TLL2: variants seen among roughly 807,000 people sequenced by gnomAD.
TLL2 encodes tolloid-like protein 2.
A neutral mutation model predicts 123.0 loss-of-function variants in TLL2; 106 were observed. The ratio of observed to expected loss-of-function variants is 0.86; its 90% CI spans 0.74 to 1.01. TLL2 has a LOEUF of 1.01. Among genes scored for constraint, TLL2 ranks in the 50% least tolerant of loss-of-function variants. The probability of loss-of-function intolerance (pLI) is 0.00; values close to 1 mark genes in which losing one functional copy is unlikely to be tolerated. For missense variants in TLL2, 1,332 were observed against 1,336.7 expected, an observed-to-expected ratio of 1.00 and a Z score of 0.06; for synonymous variants, 494 against 516.8, an observed-to-expected ratio of 0.96 and a Z score of 0.60.
chr10:96,397,193 C>G lies in TLL2; in HGVS notation c.1377G>C (p.Ala459=), dbSNP rs750004312. Residue 459 remains alanine (A), a synonymous_variant, in exon 11 of 21, where the codon GCG becomes GCC. Coordinates refer to ENST00000357947, the MANE Select transcript of TLL2 (RefSeq NM_012465.4). ...CTTTCACCTCGCACAAACCTTCGTA[C>G]GCTGCAAAGAAGCCCTTGCCCAAGA... ...SNILGKGFFA[A]YEATCGGDMN... The G allele has an allele frequency of 1.2e-6, 2 of 1,613,250 alleles. No individual in the cohort carries two copies. The highest frequency in any genetic ancestry group is 1.7e-6 in the Non-Finnish European group (2 of 1,179,524).
At chr10:96,403,307 A>G (rs923926147) in intron 10 of TLL2, among the ~76,000 whole-genome samples, 1 of 152,286 alleles carries the variant, frequency 6.6e-6, no homozygotes, top group Middle Eastern at 3.4e-3. Flanking sequence ...TACTGTGTCT[A>G]TGTAGAAAGG....
chr10:96,367,952 TA>T lies in TLL2; in HGVS notation c.*135del. ...AGACTTTCATTCAAATATATACCTC[TA>T]AGGCTGGATTCTGAGTTTTTGTTTG... On this transcript the variant is annotated 3_prime_UTR_variant, in exon 21 of 21. Transcript: ENST00000357947. 1 of 1,104,364 alleles carries T rather than the reference TA, an allele frequency of 9.1e-7. No individual in the cohort carries two copies. Among genetic ancestry groups the T allele is most frequent in the Non-Finnish European group, 1.3e-6 (1 of 792,610 alleles). The allele number at this position is 1,104,364 out of a possible 1,614,324, so 68.4% of individuals were successfully genotyped here. A position where few individuals can be genotyped will look rare whatever the true frequency, so the allele number is the denominator to read the frequency against.
chr10:96,365,842 A>T lies in TLL2; in HGVS notation c.*2246T>A, dbSNP rs1846020237. 6.6e-6 allele frequency: 1 copy of T among 152,012 alleles called. No individual in the cohort carries two copies. Among genetic ancestry groups the T allele is most frequent in the African/African-American group, 2.4e-5 (1 of 41,436 alleles). The allele number at this position is 152,012 out of a possible 1,614,324, so 9.4% of individuals were successfully genotyped here. A position where few individuals can be genotyped will look rare whatever the true frequency, so the allele number is the denominator to read the frequency against. On this transcript the variant is annotated 3_prime_UTR_variant, in exon 21 of 21. Transcript: ENST00000357947. The stretch of plus-strand genomic sequence containing the variant: ...AAGGCCTAAATAAAGGTTTTTCATA[A>T]GAGTCCCATTGTTGCAAATTGGCCA...
At chr10:96,390,409 C>T (rs1846275685) in intron 13 of TLL2, among the ~76,000 whole-genome samples, 1 of 152,220 alleles carries the variant, frequency 6.6e-6, no homozygotes, top group African/African-American at 2.4e-5. Context: ...GCCCTGCCAG[C>T]CCTTGAGTGC....
chr10:96,472,134 C>T (rs1162384569), intron 2 of TLL2, among the ~76,000 whole-genome samples: 2 of 152,162 alleles, frequency 1.3e-5, no homozygotes, highest in African/African-American at 4.8e-5. Flanking sequence ...GATTTCCAAA[C>T]CTGTGGCCCT....
Position 96,513,619 on chromosome 10 carries a change from C to T in TLL2, c.67G>A (p.Ala23Thr). The T allele has an allele frequency of 1.2e-6, 2 of 1,601,128 alleles. No homozygotes were observed. The highest frequency in any genetic ancestry group is 8.5e-7 in the Non-Finnish European group (1 of 1,178,056). The change falls in exon 1 of 21, where the codon GCC becomes ACC. Residue 23 changes from alanine (A) to threonine (T), a missense_variant. Ala to Thr is a moderately conservative substitution (Grantham distance 58). Coordinates refer to ENST00000357947, the MANE Select transcript of TLL2 (RefSeq NM_012465.4). ...TCCGGGCGCTCCCCGAGTCCCCCGGCGCCGCGAGGCAGCGGCAGCAGCAGC... is the reference window on the plus strand; with the variant it reads ...TCCGGGCGCTCCCCGAGTCCCCCGGTGCCGCGAGGCAGCGGCAGCAGCAGC... Reference protein sequence around the residue: ...LLLLLPLPRGAGGLGERPDAT... With the variant: ...LLLLLPLPRGTGGLGERPDAT...
At position 96,373,580 on chromosome 10, in the gene TLL2, G is replaced by A; in HGVS notation, c.2662+16C>T. The A allele has an allele frequency of 6.2e-7, 1 of 1,610,186 alleles. No homozygotes were observed. The highest frequency in any genetic ancestry group is 1.1e-5 in the South Asian group (1 of 90,918). ...AAGTGCTCATCAGGTGGAAGCCAGT[G>A]TCCCACCCCAGGTACCTGTGCTGTG... On this transcript the variant is annotated intron_variant, in intron 19 of 20. Coordinates refer to ENST00000357947, the MANE Select transcript of TLL2 (RefSeq NM_012465.4).
chr10:96,477,003 T>A (rs933300636), intron 2 of TLL2, among the ~76,000 whole-genome samples: 1 of 150,242 alleles, frequency 6.7e-6, no homozygotes, highest in Non-Finnish European at 1.5e-5. Context: ...ATTTTCATCT[T>A]CCACTTTATA....
intron 10 of TLL2, among the ~76,000 whole-genome samples, chr10:96,401,503 TACACAC>T (rs60660163): frequency 3.4e-5 from 5 of 147,916 alleles, no homozygotes; most frequent in East Asian, 3.9e-4. Context: ...GCTGGCACTC[TACACAC>T]ACACACACAC....
intron 1 of TLL2, among the ~76,000 whole-genome samples, chr10:96,508,957 A>T (rs1001612317): frequency 1.3e-5 from 2 of 152,028 alleles, no homozygotes; most frequent in African/African-American, 4.8e-5. Flanking sequence ...GGAAGTGATA[A>T]TGTGTGACTC....
At chr10:96,397,813 G>C (rs1042678583) in intron 10 of TLL2, among the ~76,000 whole-genome samples, 3 of 152,238 alleles carry the variant, frequency 2.0e-5, no homozygotes, top group African/African-American at 7.2e-5. Context: ...TTGGAAGGAT[G>C]CACCATATTT....
At chr10:96,493,550 G>A (rs1847437443) in intron 1 of TLL2, among the ~76,000 whole-genome samples, 2 of 152,140 alleles carry the variant, frequency 1.3e-5, no homozygotes, top group African/African-American at 4.8e-5. Flanking sequence ...AGACAGTGAG[G>A]GTAAGGCAGG....
intron 10 of TLL2, 23 bp downstream of exon 10, chr10:96,405,209 A>T: frequency 6.2e-7 from 1 of 1,603,886 alleles, no homozygotes; most frequent in Non-Finnish European, 8.5e-7. Flanking sequence ...CTCCTCTCTT[A>T]ACGGTGTCTA....
chr10:96,488,760 G>A (rs1481263964), intron 1 of TLL2, among the ~76,000 whole-genome samples: 1 of 152,214 alleles, frequency 6.6e-6, no homozygotes, highest in Non-Finnish European at 1.5e-5. Context: ...CACATAGTGA[G>A]TCATTTGGCA....
intron 12 of TLL2, 76 bp downstream of exon 12, chr10:96,395,799 A>C (rs765718431): frequency 9.0e-6 from 14 of 1,556,838 alleles, no homozygotes; most frequent in African/African-American, 1.4e-5. Flanking sequence ...CAAAAATGAA[A>C]ACCCATCTTT....
chr10:96,452,008 G>T (rs1201842509), intron 2 of TLL2, among the ~76,000 whole-genome samples: 1 of 152,222 alleles, frequency 6.6e-6, no homozygotes, highest in East Asian at 1.9e-4. Context: ...TCCAGCACAA[G>T]ATCCTAAAAA....
chr10:96,411,539 T>C lies in TLL2; in HGVS notation c.1049-1065A>G, dbSNP rs567170250. On this transcript the variant is annotated intron_variant, in intron 8 of 20. Transcript: ENST00000357947. ...TTATGTATGTGAAAAGTATTTCCCC[T>C]AATTTGTCCTCACAAATGAAGGGTA... Among the ~76,000 whole-genome samples, 5 of 152,330 alleles carry C rather than the reference T, an allele frequency of 3.3e-5. No homozygotes were observed. The South Asian group carries it at 8.3e-4, about 25-fold the overall frequency.
intron 2 of TLL2, among the ~76,000 whole-genome samples, chr10:96,473,263 T>A (rs1049790735): frequency 6.6e-5 from 10 of 152,168 alleles, no homozygotes; most frequent in African/African-American, 2.4e-4. Context: ...GAGACCAGCC[T>A]GGCCAACGTG....
chr10:96,370,987 T>G (rs1846077509), intron 19 of TLL2, among the ~76,000 whole-genome samples: 1 of 152,152 alleles, frequency 6.6e-6, no homozygotes, highest in South Asian at 2.1e-4. Context: ...TGGTCCCATA[T>G]ATAGTACCTT....
Sources: gnomAD v4.1 joint callset for allele counts (sites outside exome capture counted in the v4.1 genomes callset) on GRCh38, gnomAD v4.1.1 for gene constraint, MANE v1.5 for transcripts, NCBI Gene and HGNC (gene_info 2026-07-23, HGNC 2026-07-21) for gene names.